The following EDARADD variants were observed in gnomAD, a reference collection of about 807,000 sequenced individuals.
The protein encoded by EDARADD is EDAR associated via death domain, also known as ectodysplasin-A receptor-associated adapter protein.
Under a neutral mutation model 25.6 loss-of-function variants are expected in EDARADD, and 20 were observed. The ratio of observed to expected loss-of-function variants is 0.78; its 90% CI spans 0.55 to 1.14. The LOEUF is 1.14. Among genes scored for constraint, EDARADD ranks in the 50% most tolerant of loss-of-function variants. The pLI is 0.00. For missense variants in EDARADD, 225 were observed against 270.1 expected, an observed-to-expected ratio of 0.83 and a Z score of 1.17; for synonymous variants, 86 against 94.4, an observed-to-expected ratio of 0.91 and a Z score of 0.52.
chr1:236,425,000 G>A (rs1023131583), intron 3 of EDARADD, among the ~76,000 whole-genome samples: 7 of 152,208 alleles, frequency 4.6e-5, no homozygotes, highest in African/African-American at 1.4e-4. Flanking sequence ...GGACCTTCTG[G>A]GAGGTTACGA....
intron 4 of EDARADD, among the ~76,000 whole-genome samples, chr1:236,464,423 C>CTTTTTTTTTTT (rs35064410): frequency 1.4e-5 from 1 of 72,982 alleles, no homozygotes; most frequent in Non-Finnish European, 2.8e-5. Flanking sequence ...CTTGCTGCAA[C>CTTTTTTTTTTT]TTTTTTTTTT....
At chr1:236,407,248 G>A (rs546711996) in intron 1 of EDARADD, among the ~76,000 whole-genome samples, 83 of 152,284 alleles carry the variant, frequency 5.5e-4, no homozygotes, top group Middle Eastern at 3.4e-3. Context: ...TGCTGGTGCT[G>A]GGCCGCGGTC....
chr1:236,395,795 CG>C lies in EDARADD; in HGVS notation c.61+1291del. The stretch of plus-strand genomic sequence containing the variant: ...CCGAGGGAGGCCCGGGAACCACCCC[CG>C]ACCCAGGCGCCAGACCCGGAGTCGC... On this transcript the variant is annotated intron_variant, in intron 1 of 5. Coordinates refer to ENST00000334232, the MANE Select transcript of EDARADD (RefSeq NM_145861.4). The surrounding 1 kb of genome is among the most constrained non-coding windows in gnomAD (Gnocchi z 6.9). The C allele has an allele frequency of 8.6e-6, 7 of 812,688 alleles. No individual in the cohort carries two copies. The highest frequency in any genetic ancestry group is 7.6e-4 in the Middle Eastern group (2 of 2,630). 50.3% of individuals were successfully genotyped at this position (812,688 alleles called of 1,614,324 possible). A position where few individuals can be genotyped will look rare whatever the true frequency, so the allele number is the denominator to read the frequency against.
At chr1:236,421,840 G>A (rs76905676) in intron 3 of EDARADD, among the ~76,000 whole-genome samples, 5,000 of 152,168 alleles carry the variant, frequency 0.033, 246 homozygotes, top group African/African-American at 0.11. Context: ...GAGTCTCAAT[G>A]TTAGGTCTTA....
At position 236,483,215 on chromosome 1, in the gene EDARADD, T is replaced by C. The variant is rs1205485477; in HGVS notation, c.*566T>C. 5 of 1,586,002 alleles carry C rather than the reference T, an allele frequency of 3.2e-6. No homozygotes were observed. Among genetic ancestry groups the C allele is most frequent in the Non-Finnish European group, 4.3e-6 (5 of 1,156,644 alleles). On this transcript the variant is annotated 3_prime_UTR_variant, in exon 6 of 6. Transcript: ENST00000334232. ...GGGAGCTCTTTGACTCTCGTGGGAA[T>C]CCCACTGTTGAGGTTGATCTCTTCA... is the stretch of plus-strand genomic sequence containing the variant.
chr1:236,382,842 G>A (rs4659657), intron 3 of EDARADD, among the ~76,000 whole-genome samples: 122,664 of 152,104 alleles, frequency 0.81, 50,574 homozygotes, highest in Middle Eastern at 0.93. Flanking sequence ...GGTTCCCTCT[G>A]AAGTTCCCAC....
intron 4 of EDARADD, among the ~76,000 whole-genome samples, chr1:236,465,219 A>G (rs1378562736): frequency 6.6e-6 from 1 of 151,982 alleles, no homozygotes; most frequent in Non-Finnish European, 1.5e-5. Context: ...TGCGTCCTAC[A>G]CTGTAGCCAG....
At chr1:236,472,544 T>G (rs1012114648) in intron 5 of EDARADD, among the ~76,000 whole-genome samples, 2 of 152,138 alleles carry the variant, frequency 1.3e-5, no homozygotes, top group African/African-American at 4.8e-5. Flanking sequence ...TTTGCTTGTT[T>G]TTGAGATGGG....
At chr1:236,406,834 G>A (rs1667748483) in intron 1 of EDARADD, among the ~76,000 whole-genome samples, 1 of 152,176 alleles carries the variant, frequency 6.6e-6, no homozygotes, top group Non-Finnish European at 1.5e-5. Context: ...CCCAGGCTGC[G>A]AGTGCTGGGT....
intron 3 of EDARADD, among the ~76,000 whole-genome samples, chr1:236,385,050 G>A (rs1428153690): frequency 2.7e-5 from 4 of 146,432 alleles, no homozygotes; most frequent in Non-Finnish European, 6.0e-5. Context: ...ATTTGTATCT[G>A]GTTGGGTTTA....
intron 4 of EDARADD, among the ~76,000 whole-genome samples, chr1:236,433,317 G>T (rs962681121): frequency 6.6e-6 from 1 of 151,716 alleles, no homozygotes. Context: ...AGCACTTTGG[G>T]GGGGGCCGAG....
intron 1 of EDARADD, among the ~76,000 whole-genome samples, chr1:236,401,012 A>C (rs1421711939): frequency 6.6e-6 from 1 of 152,048 alleles, no homozygotes; most frequent in African/African-American, 2.4e-5. Context: ...AGGCTGGCCA[A>C]CATGGCGAAA....
chr1:236,448,311 C>T (rs770450321), intron 4 of EDARADD, among the ~76,000 whole-genome samples: 2 of 152,348 alleles, frequency 1.3e-5, no homozygotes, highest in South Asian at 4.1e-4. Flanking sequence ...CAGAGGAATG[C>T]AGACACGTTC....
chr1:236,462,933 C>T (rs1659077357), intron 4 of EDARADD, among the ~76,000 whole-genome samples: 2 of 152,128 alleles, frequency 1.3e-5, no homozygotes, highest in African/African-American at 2.4e-5. Context: ...CCTCACACCT[C>T]GCCAATTAAA....
rs961202637 is a variant in EDARADD, at chr1:236,414,317, A to G, written c.160+18A>G. Reference sequence around the variant, plus strand: ...CCCTAAAGGTATGTACAGTTAAAATAACTACTTGAACATGTGATTATTTTA... The same window carrying G: ...CCCTAAAGGTATGTACAGTTAAAATGACTACTTGAACATGTGATTATTTTA... On this transcript the variant is annotated intron_variant, in intron 3 of 5. Transcript: ENST00000334232. 3.8e-6 allele frequency: 6 copies of G among 1,582,164 alleles called. No individual in the cohort carries two copies. Among genetic ancestry groups the G allele is most frequent in the Admixed American group, 1.7e-5 (1 of 59,782 alleles).
rs200865386 is a variant in EDARADD at position 236,381,294 on chromosome 1, A to T, written c.-5-27922A>T. Among the ~76,000 whole-genome samples the T allele has an allele frequency of 2.0e-5, 3 of 151,956 alleles. No homozygotes were observed. In the East Asian group the frequency reaches 5.8e-4, roughly 29 times the overall value. ...GTAAGTAGTATTCCATTCTAAAGAT[A>T]CACCATTCATTTTTATTTTTATTTT... On this transcript the variant is annotated intron_variant, in intron 3 of 7. Transcript: ENST00000439430.
chr1:236,406,316 C>T (rs1327716299), intron 1 of EDARADD, among the ~76,000 whole-genome samples: 7 of 152,120 alleles, frequency 4.6e-5, no homozygotes, highest in Admixed American at 1.3e-4. Flanking sequence ...ACCGAATGCA[C>T]GTGTGTCCGG....
intron 5 of EDARADD, among the ~76,000 whole-genome samples, chr1:236,474,122 A>G (rs1659443245): frequency 6.6e-6 from 1 of 152,158 alleles, no homozygotes; most frequent in African/African-American, 2.4e-5. Flanking sequence ...GAGCACTGGG[A>G]TTCGAAGAGC....
At chr1:236,413,180 T>C (rs1384616486) in intron 2 of EDARADD, among the ~76,000 whole-genome samples, 1 of 152,182 alleles carries the variant, frequency 6.6e-6, no homozygotes, top group East Asian at 1.9e-4. Context: ...TGAAACAGAG[T>C]GATAAATGTT....
Sources: allele counts gnomAD v4.1 joint callset (sites outside exome capture counted in the v4.1 genomes callset), GRCh38; gene constraint gnomAD v4.1.1; non-coding constraint Gnocchi (gnomAD v3.1); transcripts MANE v1.5; gene names NCBI Gene and HGNC (gene_info 2026-07-23, HGNC 2026-07-21).